Variants in NSD1 observed in about 807,000 individuals in gnomAD.
The protein encoded by NSD1 is histone-lysine N-methyltransferase, H3 lysine-36 specific.
Under a neutral mutation model 242.7 loss-of-function variants are expected in NSD1, and 26 were observed. That is an observed-to-expected ratio of 0.11 (90% CI 0.08 to 0.15). NSD1 has a LOEUF of 0.15. NSD1 is among the 10% of genes least tolerant of loss of function. NSD1 has a pLI of 1.00. For missense variants in NSD1, 2,495 were observed against 3,272.8 expected (o/e 0.76, Z 5.80); for synonymous variants, 1,106 against 1,178.1 (o/e 0.94, Z 1.25).
chr5:177,193,209 C>G (rs187417593), intron 3 of NSD1, among the ~76,000 whole-genome samples: 2,774 of 152,178 alleles, frequency 0.018, 33 homozygotes, highest in Non-Finnish European at 0.028. Context: ...GGCGTGATCT[C>G]GGCTCACTGC....
intron 2 of NSD1, among the ~76,000 whole-genome samples, chr5:177,188,760 C>G (rs950471463): frequency 6.6e-6 from 1 of 151,754 alleles, no homozygotes; most frequent in Non-Finnish European, 1.5e-5. Flanking sequence ...TCCTTATGCA[C>G]CAGGACAACA....
In NSD1 at chr5:177,297,397, G is replaced by A. The variant is rs1390767633; in HGVS notation, c.*1938G>A. 2 of 227,898 alleles carry A rather than the reference G, an allele frequency of 8.8e-6. No individual in the cohort carries two copies. Among genetic ancestry groups the A allele is most frequent in the Non-Finnish European group, 8.7e-6 (1 of 114,970 alleles). The allele number at this position is 227,898 out of a possible 1,614,324, so 14.1% of individuals were successfully genotyped here. A position where few individuals can be genotyped will look rare whatever the true frequency, so the allele number is the denominator to read the frequency against. On this transcript the variant is annotated 3_prime_UTR_variant, in exon 23 of 23. Transcript: ENST00000439151. ...AAAGATATTTTTAAAGAAATTCACC[G>A]AGAACATTAAAGTTCATTATATTAA...
chr5:177,166,106 G>C (rs1193542334), intron 2 of NSD1, among the ~76,000 whole-genome samples: 2 of 151,176 alleles, frequency 1.3e-5, no homozygotes, highest in Non-Finnish European at 2.9e-5. Context: ...GAAGAGATGG[G>C]GTTTCACCAT....
At chr5:177,175,839 A>G (rs1284123241) in intron 2 of NSD1, among the ~76,000 whole-genome samples, 1 of 152,150 alleles carries the variant, frequency 6.6e-6, no homozygotes, top group Non-Finnish European at 1.5e-5. Flanking sequence ...TTTACAACAA[A>G]GCATGTTTGT....
intron 5 of NSD1, among the ~76,000 whole-genome samples, chr5:177,227,608 T>C (rs1475821669): frequency 2.0e-5 from 3 of 152,014 alleles, no homozygotes; most frequent in African/African-American, 4.8e-5. Flanking sequence ...ATCGGGCTAA[T>C]GTTTGTATTT....
At chr5:177,194,384 T>G (rs75105351) in intron 3 of NSD1, among the ~76,000 whole-genome samples, 3,469 of 151,212 alleles carry the variant, frequency 0.023, 54 homozygotes, top group South Asian at 0.054. Flanking sequence ...CTCAGCATCC[T>G]GAATAGCTGG....
At position 177,246,780 on chromosome 5, in the gene NSD1, A is replaced by G. The variant is rs1289317881; in HGVS notation, c.4481A>G (p.Glu1494Gly). The G allele has an allele frequency of 1.2e-6, 2 of 1,612,402 alleles. No homozygotes were observed. The highest frequency in any genetic ancestry group is 2.2e-5 in the East Asian group (1 of 44,872). Residue 1494 changes from glutamate to glycine, a missense_variant, in exon 10 of 23, where the codon GAG (glutamate) becomes GGG (glycine). Physicochemically the swap from Glu to Gly is moderately conservative, Grantham distance 98. Around this residue, in one of 19 missense-constraint regions of NSD1, gnomAD observed 97 missense variants for 97.7 expected, o/e 0.99. Transcript: ENST00000439151. The stretch of plus-strand genomic sequence containing the variant: ...GTGAAAAATGATGACTCGTCAAAAG[A>G]GATTCCAGGCTCAGAGGTATTACTC... ...KKVKNDDSSK[E>G]IPGSEGELMP... is the part of the protein sequence containing the mutation.
At chr5:177,271,606 G>A (rs1757947335) in intron 16 of NSD1, among the ~76,000 whole-genome samples, 1 of 152,210 alleles carries the variant, frequency 6.6e-6, no homozygotes. Flanking sequence ...GGCATCACAT[G>A]TGAAAGCACG....
chr5:177,207,772 G>A (rs886572243), intron 4 of NSD1, among the ~76,000 whole-genome samples: 3 of 149,730 alleles, frequency 2.0e-5, no homozygotes, highest in Admixed American at 6.7e-5. Flanking sequence ...AGACAGGATC[G>A]TGCTCTGTCA....
At chr5:177,208,508 G>GTTTTTC (rs1763074502) in intron 4 of NSD1, among the ~76,000 whole-genome samples, 4 of 147,954 alleles carry the variant, frequency 2.7e-5, no homozygotes, top group African/African-American at 1.0e-4. Flanking sequence ...TTTTTTCTTG[G>GTTTTTC]TTTTTCTTTT....
At chr5:177,204,415 G>C in intron 4 of NSD1, 123 bp downstream of exon 4, 1 of 902,836 alleles carries the variant, frequency 1.1e-6, no homozygotes, top group Non-Finnish European at 1.7e-6. Context: ...GTACAGTGGT[G>C]CAATCTTTGT....
At chr5:177,280,121 G>A (rs1200506509) in intron 17 of NSD1, among the ~76,000 whole-genome samples, 1 of 146,582 alleles carries the variant, frequency 6.8e-6, no homozygotes, top group Non-Finnish European at 1.5e-5. Flanking sequence ...GGGACTACAG[G>A]CGCCCACCAC....
At chr5:177,174,414 T>C (rs1285246918) in intron 2 of NSD1, among the ~76,000 whole-genome samples, 2 of 152,080 alleles carry the variant, frequency 1.3e-5, no homozygotes, top group African/African-American at 4.8e-5. Flanking sequence ...GGCTTCGCCA[T>C]GTTGGCCAGG....
intron 8 of NSD1, among the ~76,000 whole-genome samples, chr5:177,241,027 A>C (rs899290082): frequency 6.6e-6 from 1 of 152,144 alleles, no homozygotes; most frequent in African/African-American, 2.4e-5. Context: ...TCAGTCAATC[A>C]ATCAATAAAT....
At chr5:177,203,315 T>C (rs780566314) in intron 3 of NSD1, among the ~76,000 whole-genome samples, 13 of 152,204 alleles carry the variant, frequency 8.5e-5, no homozygotes, top group Non-Finnish European at 1.5e-4. Flanking sequence ...TTATAATCTT[T>C]TCTAGATGGG....
intron 5 of NSD1, among the ~76,000 whole-genome samples, chr5:177,215,843 T>C (rs570997563): frequency 3.6e-4 from 55 of 152,330 alleles, no homozygotes; most frequent in African/African-American, 1.3e-3. Flanking sequence ...TGCTGCATCA[T>C]TTTATAAGTC....
chr5:177,178,126 C>T (rs1387625162), intron 2 of NSD1, among the ~76,000 whole-genome samples: 4 of 152,050 alleles, frequency 2.6e-5, no homozygotes, highest in Admixed American at 6.6e-5. Context: ...AACTCTTGGG[C>T]CTCAAGTGAT....
At chr5:177,293,666 CT>C (rs1191041905) in intron 22 of NSD1, among the ~76,000 whole-genome samples, 165 bp from the exon 23 acceptor site, 2 of 151,616 alleles carry the variant, frequency 1.3e-5, no homozygotes, top group Non-Finnish European at 2.9e-5. Context: ...CAAAAAGAAG[CT>C]GGAATTCTGG....
intron 16 of NSD1, among the ~76,000 whole-genome samples, chr5:177,271,702 A>G (rs546366829): frequency 1.3e-5 from 2 of 152,280 alleles, no homozygotes; most frequent in African/African-American, 4.8e-5. Context: ...GTGTTGGGCT[A>G]TTTTCCTGAA....
Sources: gnomAD v4.1 joint callset for allele counts (sites outside exome capture counted in the v4.1 genomes callset) on GRCh38, gnomAD v4.1.1 for gene constraint, gnomAD v4.1.1 regional missense constraint, MANE v1.5 for transcripts, NCBI Gene and HGNC (gene_info 2026-07-23, HGNC 2026-07-21) for gene names.